The following RIMKLB variants were observed in gnomAD, a reference collection of about 807,000 sequenced individuals.
The protein encoded by RIMKLB is ribosomal modification protein rimK like family member B, also known as beta-citrylglutamate synthase B.
A neutral mutation model predicts 32.0 loss-of-function variants in RIMKLB; 7 were observed. The observed-to-expected ratio is 0.22, with a 90% confidence interval of 0.12 to 0.41. The LOEUF (loss-of-function observed/expected upper bound fraction) is 0.41, where lower values mean the gene tolerates loss of function less well. Ranked by LOEUF, RIMKLB falls within the 10% of genes least tolerant of loss-of-function variation. The probability of loss-of-function intolerance (pLI) is 1.00; values close to 1 mark genes in which losing one functional copy is unlikely to be tolerated. For missense variants in RIMKLB, 289 were observed against 498.7 expected (o/e 0.58, Z 4.00); for synonymous variants, 172 against 185.1 (o/e 0.93, Z 0.57).
chr12:8,751,313 C>G (rs975396345), intron 3 of RIMKLB, among the ~76,000 whole-genome samples: 6 of 152,188 alleles, frequency 3.9e-5, no homozygotes, highest in Admixed American at 3.3e-4. Flanking sequence ...GTTTAATGGA[C>G]TTTTTCCTGT....
intron 5 of RIMKLB, among the ~76,000 whole-genome samples, chr12:8,767,423 AGATCCCTT>A (rs1356341346): frequency 6.6e-6 from 1 of 151,582 alleles, no homozygotes; most frequent in Non-Finnish European, 1.5e-5. Flanking sequence ...GAGCTTCCTT[AGATCCCTT>A]TGGAAATACA....
chr12:8,752,380 C>T (rs1033845359), intron 4 of RIMKLB, among the ~76,000 whole-genome samples: 6 of 152,228 alleles, frequency 3.9e-5, no homozygotes, highest in East Asian at 1.9e-4. Context: ...GGTGAAACCT[C>T]GCCTCAACTA....
intron 1 of RIMKLB, among the ~76,000 whole-genome samples, chr12:8,705,176 T>G (rs1373305109): frequency 3.3e-5 from 5 of 152,090 alleles, no homozygotes; most frequent in Admixed American, 2.0e-4. Flanking sequence ...TTGAATATAC[T>G]GGAGATAAGA....
intron 2 of RIMKLB, among the ~76,000 whole-genome samples, chr12:8,746,549 G>A (rs2137636541): frequency 6.9e-6 from 1 of 145,984 alleles, no homozygotes; most frequent in Non-Finnish European, 1.5e-5. Context: ...AGTGAGCCAA[G>A]ATAGTGCCAC....
chr12:8,768,899 ATTC>A (rs1950185500), intron 5 of RIMKLB, among the ~76,000 whole-genome samples: 1 of 152,076 alleles, frequency 6.6e-6, no homozygotes, highest in Non-Finnish European at 1.5e-5. Flanking sequence ...TGTCATTCTT[ATTC>A]TTGTCAAAAT....
the RIMKLB span, among the ~76,000 whole-genome samples, chr12:8,671,594 AC>A: frequency 6.6e-6 from 1 of 151,598 alleles, no homozygotes. Flanking sequence ...AATTTTCCAA[AC>A]TTTTATGCTC....
chr12:8,775,205 T>C lies in RIMKLB; in HGVS notation c.*1421T>C. ...GCTATGCATTTTCTCTTTTTACATA[T>C]AGGATTTGGGATTGGGGGTGGGTTG... On this transcript the variant is annotated 3_prime_UTR_variant, in exon 6 of 6. Coordinates refer to ENST00000535829, the MANE Select transcript of RIMKLB (RefSeq NM_001297776.2). 4.1e-6 allele frequency: 4 copies of C among 985,780 alleles called. No homozygotes were observed. Among genetic ancestry groups the C allele is most frequent in the Non-Finnish European group, 4.8e-6 (4 of 829,882 alleles). The allele number at this position is 985,780 out of a possible 1,614,324, so 61.1% of individuals were successfully genotyped here.
Position 8,733,452 on chromosome 12 carries a change from G to A in RIMKLB, c.176-16410G>A, listed in dbSNP as rs114329504. Among the ~76,000 whole-genome samples the A allele has an allele frequency of 7.9e-3, 1,202 of 152,312 alleles. 8 individuals carry two copies. Among genetic ancestry groups the A allele is most frequent in the African/African-American group, 0.027 (1,134 of 41,554 alleles). On this transcript the variant is annotated intron_variant, in intron 2 of 5. Coordinates refer to ENST00000535829, the MANE Select transcript of RIMKLB (RefSeq NM_001297776.2). ...CATAGCCATGAATAGACACGGAGGAGGAGAATGTTCTATTATTAAGTAACC... is the reference window on the plus strand; with the variant it reads ...CATAGCCATGAATAGACACGGAGGAAGAGAATGTTCTATTATTAAGTAACC...
intron 5 of RIMKLB, among the ~76,000 whole-genome samples, chr12:8,765,148 A>G (rs2138091120): frequency 6.6e-6 from 1 of 152,078 alleles, no homozygotes; most frequent in Admixed American, 6.6e-5. Context: ...ACAGGGAGGA[A>G]TGCTTCCTCA....
chr12:8,766,522 G>A (rs2138126994), intron 5 of RIMKLB, among the ~76,000 whole-genome samples: 1 of 152,218 alleles, frequency 6.6e-6, no homozygotes, highest in Non-Finnish European at 1.5e-5. Flanking sequence ...GATTGAGATA[G>A]AGTCTTTTTG....
In RIMKLB at chr12:8,725,035, A is replaced by G. The variant is rs1015641096; in HGVS notation, c.175+10994A>G. On this transcript the variant is annotated intron_variant, in intron 2 of 5. Coordinates refer to ENST00000535829, the MANE Select transcript of RIMKLB (RefSeq NM_001297776.2). ...TCGATTTTTTAGCTCTGATAAATGT[A>G]TTTTTGTGGTAGTTGTTTAAACTGT... is the stretch of plus-strand genomic sequence containing the variant. Among the ~76,000 whole-genome samples, 24 of 152,228 alleles carry G rather than the reference A, an allele frequency of 1.6e-4. 1 individual carries two copies. The highest frequency in any genetic ancestry group is 1.5e-3 in the East Asian group (8 of 5,188).
At chr12:8,694,105 C>T (rs139731785), upstream of RIMKLB, among the ~76,000 whole-genome samples, 246 of 151,938 alleles carry the variant, frequency 1.6e-3, 2 homozygotes, top group East Asian at 0.016. Flanking sequence ...ATTAGCTGGG[C>T]GCCTGTAATT....
intron 2 of RIMKLB, among the ~76,000 whole-genome samples, chr12:8,718,679 G>A (rs1591720791): frequency 7.1e-6 from 1 of 141,196 alleles, no homozygotes; most frequent in Non-Finnish European, 1.5e-5. Flanking sequence ...ATGTGTGTGT[G>A]TGTGTGTGTG....
Position 8,690,855 on chromosome 12 carries a change from A to G in RIMKLB, n.219+9037A>G, listed in dbSNP as rs149831208. On this transcript the variant is annotated intron_variant and non_coding_transcript_variant, in intron 1 of 1. Transcript: ENST00000538758. ...GGAGAATCACTTGAACCCGGGAGGC[A>G]GAGGTTGCAGTGAGCCAAGATTGTG... Among the ~76,000 whole-genome samples, 742 of 152,266 alleles carry G rather than the reference A, an allele frequency of 4.9e-3. 5 individuals carry two copies. The highest frequency in any genetic ancestry group is 0.017 in the East Asian group (89 of 5,172).
intron 1 of RIMKLB, among the ~76,000 whole-genome samples, chr12:8,689,866 C>G (rs1372369585): frequency 1.3e-5 from 2 of 152,146 alleles, no homozygotes; most frequent in Non-Finnish European, 2.9e-5. Flanking sequence ...AAACCTGCCT[C>G]TGTAAATCCC....
chr12:8,687,296 C>A (rs1320172049), intron 1 of RIMKLB, among the ~76,000 whole-genome samples: 1 of 152,150 alleles, frequency 6.6e-6, no homozygotes, highest in Admixed American at 6.5e-5. Flanking sequence ...GTTTAAATCT[C>A]CCTTGTGGCA....
rs890738015 is a variant in RIMKLB at position 8,772,034 on chromosome 12, G to A, written c.698-1287G>A. ...TTCCTGAGTAGCCGGAACTATAGGCGCCTGCCACCACACCGGGCTAATTTT... is the reference window on the plus strand; with the variant it reads ...TTCCTGAGTAGCCGGAACTATAGGCACCTGCCACCACACCGGGCTAATTTT... On this transcript the variant is annotated intron_variant, in intron 5 of 5. Transcript: ENST00000535829. 5.9e-5 allele frequency among the ~76,000 whole-genome samples: 9 copies of A among 152,188 alleles called. No individual in the cohort carries two copies. In the East Asian group the frequency reaches 7.7e-4, roughly 13 times the overall value.
At chr12:8,725,249 A>G (rs958048890) in intron 2 of RIMKLB, among the ~76,000 whole-genome samples, 2 of 152,104 alleles carry the variant, frequency 1.3e-5, no homozygotes, top group African/African-American at 2.4e-5. Context: ...TTTCTCTCCC[A>G]GGAAGGCAAA....
intron 2 of RIMKLB, among the ~76,000 whole-genome samples, chr12:8,744,067 T>C (rs915800406): frequency 6.6e-6 from 1 of 151,950 alleles, no homozygotes; most frequent in Non-Finnish European, 1.5e-5. Context: ...GTTTACTAAA[T>C]AACATGGGTC....
Sources: allele counts gnomAD v4.1 joint callset (sites outside exome capture counted in the v4.1 genomes callset), GRCh38; gene constraint gnomAD v4.1.1; transcripts MANE v1.5; gene names NCBI Gene and HGNC (gene_info 2026-07-23, HGNC 2026-07-21).